The following PRICKLE2 variants were observed in gnomAD, a reference collection of about 807,000 sequenced individuals.
PRICKLE2 encodes the protein prickle-like protein 2.
In PRICKLE2, 21 loss-of-function variants were observed where a neutral mutation model predicts 81.4. The observed-to-expected ratio is 0.26, with a 90% CI of 0.18 to 0.37. The LOEUF (loss-of-function observed/expected upper bound fraction) is 0.37, where lower values mean the gene tolerates loss of function less well. Ranked by LOEUF, PRICKLE2 falls within the 10% of genes least tolerant of loss-of-function variation. PRICKLE2 has a pLI of 1.00. For synonymous variants in PRICKLE2, 456 were observed against 421.5 expected, an observed-to-expected ratio of 1.08 and a Z score of -1.00; for missense variants, 940 against 1,109.0, an observed-to-expected ratio of 0.85 and a Z score of 2.16.
At position 64,192,677 on chromosome 3, in the gene PRICKLE2, A is replaced by G. The variant is rs566907544; in HGVS notation, c.144+6107T>C. On this transcript the variant is annotated intron_variant, in intron 2 of 7. Coordinates refer to ENST00000638394, the MANE Select transcript of PRICKLE2 (RefSeq NM_198859.4). ...GATGTTCTATTTTACCACTTATGAG[A>G]CAATGCTTTGGAAAGCCAAAAACTA... Among the ~76,000 whole-genome samples the G allele has an allele frequency of 2.6e-5, 4 of 152,308 alleles. No individual in the cohort carries two copies. The South Asian group carries it at 8.3e-4, about 32-fold the overall frequency.
intron 5 of PRICKLE2, chr3:64,154,340 C>G (rs1366899910): frequency 6.6e-6 from 1 of 150,888 alleles, no homozygotes; most frequent in African/African-American, 2.4e-5. Context: ...GAGATTGAGA[C>G]TATCCTGGCT....
At chr3:64,198,070 G>A (rs1336805036) in intron 2 of PRICKLE2, among the ~76,000 whole-genome samples, 2 of 151,884 alleles carry the variant, frequency 1.3e-5, no homozygotes, top group African/African-American at 2.4e-5. Context: ...AAATTAGCCA[G>A]GGGTGGTGGC....
At chr3:64,249,843 C>T (rs747957216) in intron 2 of PRICKLE2, among the ~76,000 whole-genome samples, 62 of 152,154 alleles carry the variant, frequency 4.1e-4, no homozygotes, top group Non-Finnish European at 7.9e-4. Flanking sequence ...CCTAGTATAG[C>T]GCCTTGCACA....
intron 4 of PRICKLE2, among the ~76,000 whole-genome samples, chr3:64,158,874 A>C (rs2077683059): frequency 6.6e-6 from 1 of 152,204 alleles, no homozygotes; most frequent in Non-Finnish European, 1.5e-5. Flanking sequence ...CTCAAATGAC[A>C]TCTGCTTCCC....
intron 2 of PRICKLE2, among the ~76,000 whole-genome samples, chr3:64,170,720 A>C (rs1461023704): frequency 6.6e-6 from 1 of 151,150 alleles, no homozygotes; most frequent in Non-Finnish European, 1.5e-5. Context: ...AAAAAAAAAA[A>C]AAAAACAGCC....
chr3:64,221,455 A>ATACG (rs2078952662), intron 1 of PRICKLE2, among the ~76,000 whole-genome samples: 1 of 149,542 alleles, frequency 6.7e-6, no homozygotes, highest in African/African-American at 2.5e-5. Context: ...ACACACACAC[A>ATACG]CACGCACACA....
At chr3:64,151,437 AG>A (rs2077546175) in intron 6 of PRICKLE2, among the ~76,000 whole-genome samples, 1 of 152,186 alleles carries the variant, frequency 6.6e-6, no homozygotes, top group Non-Finnish European at 1.5e-5. Flanking sequence ...AAGAAAACCG[AG>A]GGGCCATCTG....
chr3:64,252,243 T>C lies in PRICKLE2; in HGVS notation c.129-53276A>G, dbSNP rs936178233. Among the ~76,000 whole-genome samples, 12 of 152,308 alleles carry C rather than the reference T, an allele frequency of 7.9e-5. No homozygotes were observed. The Middle Eastern group carries it at 0.01, about 130-fold the overall frequency. The stretch of plus-strand genomic sequence containing the variant: ...AGGCAATCACCATGATTAGACACTC[T>C]GAGGTAAAAAAGCTTATTCAAATCA... On this transcript the variant is annotated intron_variant, in intron 2 of 8. Transcript: ENST00000295902.
chr3:64,251,559 GGAGA>G (rs975349287), intron 2 of PRICKLE2, among the ~76,000 whole-genome samples: 18 of 152,170 alleles, frequency 1.2e-4, no homozygotes, highest in Admixed American at 3.3e-4. Context: ...CAGTGTGGTG[GGAGA>G]GAGCCAGCTA....
Position 64,159,921 on chromosome 3 carries a change from C to T in PRICKLE2, c.396+19G>A. ...GATGCCAGAACAATGCCTCTTCACT[C>T]CCCTGAATCCATGCTTACCTGTTCA... On this transcript the variant is annotated intron_variant, in intron 4 of 7. Transcript: ENST00000638394. 1.2e-6 allele frequency: 2 copies of T among 1,614,094 alleles called. No homozygotes were observed. Among genetic ancestry groups the T allele is most frequent in the African/African-American group, 1.3e-5 (1 of 75,022 alleles).
At chr3:64,210,241 C>T (rs943036539) in intron 1 of PRICKLE2, among the ~76,000 whole-genome samples, 1 of 152,068 alleles carries the variant, frequency 6.6e-6, no homozygotes, top group African/African-American at 2.4e-5. Context: ...TCAGCATATC[C>T]TGTTATTTGC....
At chr3:64,177,197 G>A (rs532977470) in intron 2 of PRICKLE2, among the ~76,000 whole-genome samples, 8 of 138,116 alleles carry the variant, frequency 5.8e-5, no homozygotes, top group South Asian at 2.4e-4. Context: ...ATGCAATGGC[G>A]TGATCTCGGC....
chr3:64,207,094 T>C (rs1245908876), intron 1 of PRICKLE2, among the ~76,000 whole-genome samples: 1 of 151,544 alleles, frequency 6.6e-6, no homozygotes, highest in Non-Finnish European at 1.5e-5. Flanking sequence ...GATATGAGGT[T>C]TCACCATGTT....
chr3:64,129,523 G>C (rs1219981904), intron 7 of PRICKLE2, among the ~76,000 whole-genome samples: 1 of 151,810 alleles, frequency 6.6e-6, no homozygotes, highest in African/African-American at 2.4e-5. Context: ...TGGGGGGTGG[G>C]AGTCTCATGT....
rs1190481584 is a variant in PRICKLE2 at position 64,098,362 on chromosome 3, G to A, written c.*689C>T. On this transcript the variant is annotated 3_prime_UTR_variant, in exon 8 of 8. Transcript: ENST00000638394. ...TAAGGATGGCTCCTTAAGATGGAAC[G>A]GAGCATAAAATGCTTTGGGTCTAAC... 1 of 151,990 alleles carries A rather than the reference G, an allele frequency of 6.6e-6. No homozygotes were observed. Among genetic ancestry groups the A allele is most frequent in the East Asian group, 1.9e-4 (1 of 5,152 alleles). 9.4% of individuals were successfully genotyped at this position (151,990 alleles called of 1,614,324 possible). A position where few individuals can be genotyped will look rare whatever the true frequency, so the allele number is the denominator to read the frequency against.
At chr3:64,197,961 C>A (rs2078488742) in intron 2 of PRICKLE2, among the ~76,000 whole-genome samples, 1 of 152,076 alleles carries the variant, frequency 6.6e-6, no homozygotes, top group Non-Finnish European at 1.5e-5. Context: ...CCTGTAATCC[C>A]AGCACTTTGG....
chr3:64,099,155 G>A lies in PRICKLE2; in HGVS notation c.2431C>T (p.His811Tyr). The A allele has an allele frequency of 6.2e-7, 1 of 1,614,240 alleles. No homozygotes were observed. Among genetic ancestry groups the A allele is most frequent in the South Asian group, 1.1e-5 (1 of 91,086 alleles). ...LRYVTSDELL[H>Y]KYSSYGLPKS... is the part of the protein sequence containing the mutation. ...GGGAGGCCGTAGGAGCTGTATTTGT[G>A]CAGCAGCTCATCGCTTGTGACGTAT... Residue 811 changes from histidine to tyrosine, a missense_variant, in exon 8 of 8, where the codon CAC (histidine) becomes TAC (tyrosine). Around this residue, in one of 2 missense-constraint regions of PRICKLE2, gnomAD observed 670 missense variants for 717.2 expected, o/e 0.93. Coordinates refer to ENST00000638394, the MANE Select transcript of PRICKLE2 (RefSeq NM_198859.4). The surrounding 1 kb of genome is among the most constrained non-coding windows in gnomAD (Gnocchi z 4.3).
chr3:64,126,140 A>G (rs559454917), intron 7 of PRICKLE2, among the ~76,000 whole-genome samples: 1 of 152,302 alleles, frequency 6.6e-6, no homozygotes, highest in East Asian at 1.9e-4. Flanking sequence ...AATTTCATGA[A>G]AAACTTGGGG....
At chr3:64,149,246 G>C (rs978368812) in intron 6 of PRICKLE2, among the ~76,000 whole-genome samples, 1 of 152,182 alleles carries the variant, frequency 6.6e-6, no homozygotes, top group African/African-American at 2.4e-5. Flanking sequence ...TTCAGGCCGT[G>C]AGCTTTGGGT....
Sources: gnomAD v4.1 joint callset for allele counts (sites outside exome capture counted in the v4.1 genomes callset) on GRCh38, gnomAD v4.1.1 for gene constraint, gnomAD v4.1.1 regional missense constraint, Gnocchi (gnomAD v3.1) non-coding constraint, MANE v1.5 for transcripts, NCBI Gene and HGNC (gene_info 2026-07-23, HGNC 2026-07-21) for gene names.